The following TTC21B variants were observed in gnomAD, a reference collection of about 807,000 sequenced individuals.
TTC21B encodes tetratricopeptide repeat domain 21B.
Under a neutral mutation model 175.1 loss-of-function variants are expected in TTC21B, and 127 were observed. The observed-to-expected ratio is 0.73, with a 90% CI of 0.63 to 0.84. The LOEUF is 0.84. Among genes scored for constraint, TTC21B ranks in the 40% least tolerant of loss-of-function variants. TTC21B has a pLI of 0.00. For missense variants in TTC21B, 1,561 were observed against 1,558.3 expected (o/e 1.00, Z -0.03); for synonymous variants, 524 against 524.5 (o/e 1.00, Z 0.01).
intron 19 of TTC21B, among the ~76,000 whole-genome samples, chr2:165,903,912 T>C (rs1478919538): frequency 1.3e-5 from 2 of 152,212 alleles, no homozygotes; most frequent in African/African-American, 4.8e-5. Flanking sequence ...ATTCAGAATA[T>C]ACAGCATGTC....
intron 21 of TTC21B, among the ~76,000 whole-genome samples, chr2:165,899,228 AT>A (rs1685471159): frequency 6.6e-6 from 1 of 152,204 alleles, no homozygotes; most frequent in Non-Finnish European, 1.5e-5. Context: ...TGCAGATTTC[AT>A]ATATTTCTTT....
At chr2:165,907,895 GA>G in intron 18 of TTC21B, 111 bp from the exon 19 acceptor site, 1 of 711,450 alleles carries the variant, frequency 1.4e-6, no homozygotes, top group Non-Finnish European at 2.3e-6. Flanking sequence ...GAAAAATAGT[GA>G]ATACGGTTAA....
In TTC21B at chr2:165,898,633, A is replaced by T. The variant is rs1273963609; in HGVS notation, c.2950+53T>A. 2.5e-6 allele frequency: 3 copies of T among 1,209,172 alleles called. No individual in the cohort carries two copies. The Admixed American group carries it at 5.1e-5, about 20-fold the overall frequency. 74.9% of individuals were successfully genotyped at this position (1,209,172 alleles called of 1,614,324 possible). A position where few individuals can be genotyped will look rare whatever the true frequency, so the allele number is the denominator to read the frequency against. ...GCATAACCACTAAACAGAAGAAAAA[A>T]GGAGAAAGGGAGGGGTGACTGCACT... On this transcript the variant is annotated intron_variant, in intron 22 of 28. Coordinates refer to ENST00000243344, the MANE Select transcript of TTC21B (RefSeq NM_024753.5).
At chr2:165,935,243 T>C (rs1010850807) in intron 6 of TTC21B, among the ~76,000 whole-genome samples, 1 of 152,204 alleles carries the variant, frequency 6.6e-6, no homozygotes, top group Non-Finnish European at 1.5e-5. Context: ...AATCATTATA[T>C]GTTTAGATCT....
chr2:165,873,771 G>A lies in TTC21B; in HGVS notation c.*984C>T, dbSNP rs1404820466. On this transcript the variant is annotated 3_prime_UTR_variant, in exon 29 of 29. Transcript: ENST00000243344. ...ATGGCCTTGAAAGCAGGAAGAATGA[G>A]CTCAAGAAAGGAAAGGGAAACACAC... The A allele has an allele frequency of 6.6e-6, 1 of 152,012 alleles. No individual in the cohort carries two copies. The highest frequency in any genetic ancestry group is 2.4e-5 in the African/African-American group (1 of 41,380). The allele number at this position is 152,012 out of a possible 1,614,324, so 9.4% of individuals were successfully genotyped here.
intron 19 of TTC21B, among the ~76,000 whole-genome samples, chr2:165,905,631 A>G (rs1388736987): frequency 1.3e-5 from 2 of 152,200 alleles, no homozygotes; most frequent in African/African-American, 4.8e-5. Context: ...TCAATAATGT[A>G]TCTTCTAAAT....
chr2:165,943,178 A>G, intron 5 of TTC21B, 41 bp downstream of exon 5: 1 of 1,603,328 alleles, frequency 6.2e-7, no homozygotes, highest in South Asian at 1.1e-5. Flanking sequence ...TATTATGAAT[A>G]TATTTTGAAA....
intron 25 of TTC21B, 96 bp downstream of exon 25, chr2:165,888,183 A>C: frequency 2.0e-6 from 2 of 993,352 alleles, no homozygotes; most frequent in South Asian, 2.8e-5. Context: ...TAAGTAATTA[A>C]GTCAATCTTC....
chr2:165,950,604 AG>A (rs1687731904), intron 1 of TTC21B, among the ~76,000 whole-genome samples: 1 of 152,176 alleles, frequency 6.6e-6, no homozygotes, highest in South Asian at 2.1e-4. Flanking sequence ...AAGGGTATCT[AG>A]ACAGCTCTGG....
At chr2:165,937,342 T>C (rs1333591172) in intron 6 of TTC21B, among the ~76,000 whole-genome samples, 3 of 152,114 alleles carry the variant, frequency 2.0e-5, no homozygotes, top group Admixed American at 6.5e-5. Flanking sequence ...AGTAGAAATA[T>C]TCTGTATGAT....
chr2:165,935,577 A>T (rs1006698975), intron 6 of TTC21B, among the ~76,000 whole-genome samples: 10 of 150,770 alleles, frequency 6.6e-5, no homozygotes, highest in Admixed American at 3.3e-4. Context: ...AGAATCAATT[A>T]AAAAAAACTC....
chr2:165,874,822 G>A lies in TTC21B; in HGVS notation c.3884C>T (p.Ala1295Val), dbSNP rs777812185. ...SIDICHQVLE[A>V]HPTYPKIRKD... ...TCTGATTTTTGGATAAGTTGGATGT[G>A]CTTCAAGAACCTGCAAAACAAATAA... The change falls in exon 29 of 29, where the codon GCA becomes GTA. Residue 1295 changes from alanine (A) to valine (V), a missense_variant. By Grantham distance (64) the Ala-to-Val change is moderately conservative. Transcript: ENST00000243344. 1.2e-6 allele frequency: 2 copies of A among 1,613,546 alleles called. No individual in the cohort carries two copies. Among genetic ancestry groups the A allele is most frequent in the African/African-American group, 1.3e-5 (1 of 74,992 alleles).
chr2:165,946,063 C>T (rs62177853), intron 3 of TTC21B, among the ~76,000 whole-genome samples: 23 of 151,890 alleles, frequency 1.5e-4, no homozygotes, highest in African/African-American at 4.6e-4. Context: ...CAGTGGCTCA[C>T]GCCTGCAATC....
intron 24 of TTC21B, among the ~76,000 whole-genome samples, chr2:165,888,949 C>A (rs1309672149): frequency 1.3e-5 from 2 of 152,084 alleles, no homozygotes; most frequent in Non-Finnish European, 2.9e-5. Flanking sequence ...GGTCACACAG[C>A]TAGTAAGTGG....
intron 1 of TTC21B, among the ~76,000 whole-genome samples, chr2:165,951,468 C>T (rs1393640455): frequency 2.6e-5 from 4 of 152,142 alleles, no homozygotes; most frequent in Admixed American, 6.5e-5. Context: ...ATGTGTCCTG[C>T]GCCAAGACCT....
chr2:165,906,854 C>T lies in TTC21B; in HGVS notation c.2568+824G>A, dbSNP rs1305319104. On this transcript the variant is annotated intron_variant, in intron 19 of 28. Transcript: ENST00000243344. ...TCTGTAATCCCAGCAACTCAGGAGG[C>T]TGAGACAACAGAATCGCTTCAACCT... Among the ~76,000 whole-genome samples, 3 of 149,098 alleles carry T rather than the reference C, an allele frequency of 2.0e-5. No homozygotes were observed. In the East Asian group the frequency reaches 6.0e-4, roughly 30 times the overall value.
intron 11 of TTC21B, among the ~76,000 whole-genome samples, chr2:165,928,341 AC>A (rs1686753670): frequency 6.6e-6 from 1 of 152,160 alleles, no homozygotes; most frequent in Non-Finnish European, 1.5e-5. Flanking sequence ...TCTTTAATTA[AC>A]TGTTAATTCA....
At position 165,929,357 on chromosome 2, in the gene TTC21B, TA is replaced by T. The variant is rs773432929; in HGVS notation, c.1186-23del. Reference sequence around the variant, plus strand: ...ATTCCTAGAAAATAAGTAGTTTTCATAAATTATTCCATTTAGTTATAAAGCC... The same window carrying T: ...ATTCCTAGAAAATAAGTAGTTTTCATAATTATTCCATTTAGTTATAAAGCC... On this transcript the variant is annotated intron_variant, in intron 10 of 28. Coordinates refer to ENST00000243344, the MANE Select transcript of TTC21B (RefSeq NM_024753.5). 1.6e-4 allele frequency: 244 copies of T among 1,564,780 alleles called. 2 individuals carry two copies. In the Middle Eastern group the frequency reaches 3.8e-3, roughly 24 times the overall value.
At chr2:165,907,537 A>G in intron 19 of TTC21B, 141 bp downstream of exon 19, 1 of 666,310 alleles carries the variant, frequency 1.5e-6, no homozygotes, top group Non-Finnish European at 2.7e-6. Context: ...ATAATTCATA[A>G]GCATTCAATA....
Sources: gnomAD v4.1 joint callset for allele counts (sites outside exome capture counted in the v4.1 genomes callset) on GRCh38, gnomAD v4.1.1 for gene constraint, MANE v1.5 for transcripts, NCBI Gene and HGNC (gene_info 2026-07-23, HGNC 2026-07-21) for gene names.